Variants in DIPK1A observed in about 807,000 individuals in gnomAD.
DIPK1A encodes the protein family with sequence similarity 69 member A.
DIPK1A carries 27 observed loss-of-function variants against 40.8 expected under a neutral mutation model. The ratio of observed to expected loss-of-function variants is 0.66; its 90% CI spans 0.49 to 0.91. The LOEUF is 0.91. DIPK1A is among the 40% of genes least tolerant of loss of function. The pLI is 0.00. For synonymous variants in DIPK1A, 166 were observed against 171.3 expected (o/e 0.97, Z 0.24); for missense variants, 412 against 505.7 (o/e 0.81, Z 1.78).
At chr1:92,833,113 AT>A (rs1686974870) in intron 4 of DIPK1A, 1 of 690,838 alleles carries the variant, frequency 1.4e-6, no homozygotes, top group South Asian at 1.5e-5. Context: ...TACCTGTTAA[AT>A]GTAATAAATT....
intron 1 of DIPK1A, among the ~76,000 whole-genome samples, chr1:92,917,672 G>T (rs918637345): frequency 6.6e-6 from 1 of 152,178 alleles, no homozygotes; most frequent in Non-Finnish European, 1.5e-5. Flanking sequence ...GCTCTAGGAA[G>T]GTATGCATAG....
chr1:92,853,995 T>C (rs570561456), intron 2 of DIPK1A, among the ~76,000 whole-genome samples: 1 of 152,334 alleles, frequency 6.6e-6, no homozygotes, highest in South Asian at 2.1e-4. Flanking sequence ...CAAGTGATCC[T>C]CTTGCCTCAG....
intron 1 of DIPK1A, among the ~76,000 whole-genome samples, chr1:92,916,119 A>G (rs1297693473): frequency 6.6e-6 from 1 of 152,078 alleles, no homozygotes; most frequent in Non-Finnish European, 1.5e-5. Context: ...GGGAGGGAGC[A>G]ATGGGGTATG....
intron 1 of DIPK1A, among the ~76,000 whole-genome samples, chr1:92,893,733 T>C (rs1649017735): frequency 6.6e-6 from 1 of 151,910 alleles, no homozygotes; most frequent in Admixed American, 6.6e-5. Flanking sequence ...TCAAGACCCA[T>C]CAGTGTGCTG....
At chr1:92,901,585 G>T (rs768715284) in intron 1 of DIPK1A, among the ~76,000 whole-genome samples, 3 of 152,028 alleles carry the variant, frequency 2.0e-5, no homozygotes, top group Non-Finnish European at 4.4e-5. Flanking sequence ...GGGTATGGCT[G>T]CAACTTGGAA....
chr1:92,939,991 A>G (rs2100888957), intron 1 of DIPK1A, among the ~76,000 whole-genome samples: 1 of 152,202 alleles, frequency 6.6e-6, no homozygotes, highest in African/African-American at 2.4e-5. Context: ...ACTGAAATTC[A>G]TTTATACTAT....
intron 4 of DIPK1A, chr1:92,833,694 T>C (rs1687006442): frequency 6.5e-7 from 1 of 1,544,914 alleles, no homozygotes. Flanking sequence ...CCTTTTTTTA[T>C]TGCTAGAGAA....
At chr1:92,852,068 C>T (rs998699363) in intron 2 of DIPK1A, among the ~76,000 whole-genome samples, 2 of 152,156 alleles carry the variant, frequency 1.3e-5, no homozygotes, top group Admixed American at 1.3e-4. Context: ...CCAGTTGCTT[C>T]CCGCACATGG....
intron 1 of DIPK1A, among the ~76,000 whole-genome samples, chr1:92,928,961 CAAAGAAAAAAA>C (rs71094214): frequency 0.29 from 43,240 of 150,090 alleles, 6,979 homozygotes; most frequent in Non-Finnish European, 0.37. Flanking sequence ...GACTCCATCT[CAAAGAAAAAAA>C]AAAGAAAAAA....
At chr1:92,845,564 T>C (rs1489124690) in intron 4 of DIPK1A, 6 of 272,582 alleles carry the variant, frequency 2.2e-5, no homozygotes, top group African/African-American at 2.8e-5. Context: ...AAATGCTGGA[T>C]GCGGTGGCTC....
chr1:92,850,275 A>T (rs1687774279), intron 3 of DIPK1A, among the ~76,000 whole-genome samples: 1 of 152,126 alleles, frequency 6.6e-6, no homozygotes, highest in Non-Finnish European at 1.5e-5. Context: ...AGGTTGCCTT[A>T]ATCACCATTG....
intron 3 of DIPK1A, among the ~76,000 whole-genome samples, chr1:92,848,333 G>C (rs1051302750): frequency 2.0e-5 from 3 of 152,092 alleles, no homozygotes; most frequent in African/African-American, 7.2e-5. Flanking sequence ...TGACCGGTTG[G>C]GCTCCATTTG....
intron 1 of DIPK1A, 99 bp from the exon 2 acceptor site, chr1:92,876,529 A>G: frequency 2.3e-6 from 3 of 1,281,472 alleles, no homozygotes; most frequent in Non-Finnish European, 3.3e-6. Flanking sequence ...ACAACTCAAT[A>G]TATATTCCAG....
At chr1:92,925,955 C>A (rs1163386677) in intron 1 of DIPK1A, among the ~76,000 whole-genome samples, 1 of 152,146 alleles carries the variant, frequency 6.6e-6, no homozygotes, top group Admixed American at 6.5e-5. Context: ...GCTCCTCCTT[C>A]ATTATCAGTA....
downstream of DIPK1A, chr1:92,841,964 A>G (rs1687383911): frequency 1.0e-6 from 1 of 995,778 alleles, no homozygotes; most frequent in Non-Finnish European, 1.5e-6. Flanking sequence ...CCTTATAGGA[A>G]ATACCCTGAA....
chr1:92,850,994 T>C (rs897800562), intron 2 of DIPK1A, 39 bp from the exon 3 acceptor site: 1 of 1,280,560 alleles, frequency 7.8e-7, no homozygotes, highest in African/African-American at 1.5e-5. Flanking sequence ...AATAGAAAAA[T>C]ATTCACAAGA....
At chr1:92,862,092 G>A (rs1647308217) in intron 2 of DIPK1A, among the ~76,000 whole-genome samples, 1 of 152,128 alleles carries the variant, frequency 6.6e-6, no homozygotes, top group Non-Finnish European at 1.5e-5. Flanking sequence ...TTAAGTATTA[G>A]TGTTTTCCAG....
intron 1 of DIPK1A, among the ~76,000 whole-genome samples, chr1:92,908,214 G>C (rs1407118375): frequency 6.6e-6 from 1 of 152,222 alleles, no homozygotes; most frequent in Non-Finnish European, 1.5e-5. Context: ...CAGAACTGGA[G>C]GTAGAGGTTT....
intron 1 of DIPK1A, among the ~76,000 whole-genome samples, chr1:92,897,141 C>A (rs1649207887): frequency 6.6e-6 from 1 of 152,174 alleles, no homozygotes; most frequent in Non-Finnish European, 1.5e-5. Flanking sequence ...TTGACCCAGC[C>A]ATCCCATTAC....
Sources: gnomAD v4.1 joint callset for allele counts (sites outside exome capture counted in the v4.1 genomes callset) on GRCh38, gnomAD v4.1.1 for gene constraint, MANE v1.5 for transcripts, NCBI Gene and HGNC (gene_info 2026-07-23, HGNC 2026-07-21) for gene names.